The following JAK2 variants were observed in gnomAD, a reference collection of about 807,000 sequenced individuals.
JAK2 encodes Janus kinase 2.
JAK2 carries 86 observed loss-of-function variants against 139.3 expected under a neutral mutation model. The ratio of observed to expected loss-of-function variants is 0.62; its 90% confidence interval spans 0.52 to 0.74. JAK2 has a LOEUF of 0.74. JAK2 is among the 30% of genes least tolerant of loss of function. The pLI, the probability that JAK2 is intolerant of heterozygous loss-of-function variation, is 0.00. For synonymous variants in JAK2, 490 were observed against 437.7 expected (o/e 1.12, Z -1.49); for missense variants, 1,421 against 1,360.3 (o/e 1.04, Z -0.70).
intron 22 of JAK2, among the ~76,000 whole-genome samples, chr9:5,102,061 G>T (rs1416099401): frequency 6.6e-6 from 1 of 152,172 alleles, no homozygotes; most frequent in African/African-American, 2.4e-5. Flanking sequence ...ACAGAAGTAG[G>T]CTTCAGAAGG....
chr9:5,055,716 T>C lies in JAK2; in HGVS notation c.984T>C (p.Ile328=), dbSNP rs1563961883. 1.9e-6 allele frequency: 3 copies of C among 1,599,268 alleles called. No individual in the cohort carries two copies. Residue 328 remains isoleucine, a synonymous_variant, in exon 8 of 25, where the codon ATT becomes ATC. Coordinates refer to ENST00000381652, the MANE Select transcript of JAK2 (RefSeq NM_004972.4). ...CDFPNIIDVS[I]KQANQEGSNE... is the part of the protein sequence containing the mutation. ...TTCCTAATATTATTGATGTCAGTAT[T>C]AAGCAAGCAAACCAAGAGGGTTCAA... is the stretch of plus-strand genomic sequence containing the variant.
At chr9:5,020,253 G>C (rs1263798162) in intron 2 of JAK2, among the ~76,000 whole-genome samples, 1 of 152,194 alleles carries the variant, frequency 6.6e-6, no homozygotes, top group African/African-American at 2.4e-5. Flanking sequence ...GGTAGTGGCA[G>C]GTTGGGTGGG....
At position 5,035,239 on chromosome 9, in the gene JAK2, TAATA is replaced by T. The variant is rs1158273608; in HGVS notation, c.350+5334_350+5337del. 1.4e-4 allele frequency among the ~76,000 whole-genome samples: 22 copies of T among 152,282 alleles called. No individual in the cohort carries two copies. In the East Asian group the frequency reaches 4.1e-3, roughly 28 times the overall value. ...CAGGCTCTGAAATTGAGGCAATAATTAATAGTTTACCAACCAAAAAAAGTCCAGG... is the reference window on the plus strand; with the variant it reads ...CAGGCTCTGAAATTGAGGCAATAATTGTTTACCAACCAAAAAAAGTCCAGG... On this transcript the variant is annotated intron_variant, in intron 4 of 24. Coordinates refer to ENST00000381652, the MANE Select transcript of JAK2 (RefSeq NM_004972.4).
rs377323667 is a variant in JAK2 at position 4,998,971 on chromosome 9, G to A, written c.-26+12949G>A. On this transcript the variant is annotated intron_variant, in intron 2 of 24. Transcript: ENST00000381652. ...GGAGTAGCTGGGACTACAGGTGCCC[G>A]CCACCACGCCCGGCTATTTTTTTTT... 3.5e-4 allele frequency among the ~76,000 whole-genome samples: 53 copies of A among 150,504 alleles called. 2 individuals are homozygous for A. In the East Asian group the frequency reaches 6.4e-3, roughly 18 times the overall value.
chr9:5,112,537 G>A (rs893952194), intron 22 of JAK2: 2 of 598,176 alleles, frequency 3.3e-6, no homozygotes, highest in Non-Finnish European at 3.0e-6. Context: ...GGCCGAGTGG[G>A]AGAAGCAGGT....
At chr9:5,094,068 C>T (rs184768227) in intron 22 of JAK2, 2 of 152,250 alleles carry the variant, frequency 1.3e-5, no homozygotes, top group East Asian at 3.9e-4. Context: ...TAAAACTTTA[C>T]AATCAAAGGT....
chr9:5,064,953 C>G lies in JAK2; in HGVS notation c.1127C>G (p.Thr376Ser), dbSNP rs1818463950. ...TTAATTGATGGATATTATAGATTAA[C>G]TGCAGATGCACATCATTACCTCTGT... ...VSLIDGYYRL[T>S]ADAHHYLCKE... Residue 376 changes from threonine to serine, a missense_variant, in exon 9 of 25, where the codon ACT becomes AGT. By Grantham distance (58) the Thr-to-Ser change is moderately conservative (BLOSUM62 1). Transcript: ENST00000381652. 1 of 1,605,350 alleles carries G rather than the reference C, an allele frequency of 6.2e-7. No individual in the cohort carries two copies. The highest frequency in any genetic ancestry group is 2.2e-5 in the East Asian group (1 of 44,552).
At chr9:5,101,977 AACC>A (rs1410655091) in intron 22 of JAK2, among the ~76,000 whole-genome samples, 1 of 152,208 alleles carries the variant, frequency 6.6e-6, no homozygotes, top group Non-Finnish European at 1.5e-5. Context: ...AAATTCTAAA[AACC>A]AGAGGGCCTC....
Position 5,127,819 on chromosome 9 carries a change from G to A in JAK2, c.*1028G>A. The A allele has an allele frequency of 4.3e-6, 1 of 232,570 alleles. No homozygotes were observed. The highest frequency in any genetic ancestry group is 6.0e-5 in the East Asian group (1 of 16,568). The allele number at this position is 232,570 out of a possible 1,614,324, so 14.4% of individuals were successfully genotyped here. A position where few individuals can be genotyped will look rare whatever the true frequency, so the allele number is the denominator to read the frequency against. On this transcript the variant is annotated 3_prime_UTR_variant, in exon 25 of 25. Transcript: ENST00000381652. ...ATTTTTTCCTAAAGACTGTATATTTGAGGGGTTTCAGAATTTTGCATTGCA... is the reference window on the plus strand; with the variant it reads ...ATTTTTTCCTAAAGACTGTATATTTAAGGGGTTTCAGAATTTTGCATTGCA...
intron 10 of JAK2, among the ~76,000 whole-genome samples, chr9:5,068,036 T>C (rs921418793): frequency 1.2e-4 from 18 of 152,128 alleles, no homozygotes; most frequent in African/African-American, 4.1e-4. Flanking sequence ...GGTGCGCACC[T>C]GTAGTCCCAG....
chr9:5,041,081 A>T, intron 4 of JAK2: 1 of 699,506 alleles, frequency 1.4e-6, no homozygotes. Context: ...TCTACTACCT[A>T]CTACAGCCTG....
Position 5,089,659 on chromosome 9 carries a change from T to A in JAK2, c.2572-15T>A. On this transcript the variant is annotated splice_polypyrimidine_tract_variant and intron_variant, in intron 19 of 24. Transcript: ENST00000381652. ...AAAACTTGGTATTTCCATCCTAATG[T>A]GATGTGTCATTTAGGGTAATTTTGG... is the stretch of plus-strand genomic sequence containing the variant. The A allele has an allele frequency of 1.5e-6, 2 of 1,300,476 alleles. No individual in the cohort carries two copies. Among genetic ancestry groups the A allele is most frequent in the Non-Finnish European group, 2.0e-6 (2 of 1,004,020 alleles). The allele number at this position is 1,300,476 out of a possible 1,614,324, so 80.6% of individuals were successfully genotyped here. A position where few individuals can be genotyped will look rare whatever the true frequency, so the allele number is the denominator to read the frequency against.
At chr9:5,009,827 G>A (rs1353574418) in intron 2 of JAK2, among the ~76,000 whole-genome samples, 1 of 151,754 alleles carries the variant, frequency 6.6e-6, no homozygotes, top group East Asian at 1.9e-4. Context: ...CTGGAGTGAA[G>A]TGGTGCCAAC....
intron 3 of JAK2, among the ~76,000 whole-genome samples, chr9:5,029,544 C>G (rs1474413539): frequency 6.6e-6 from 1 of 151,796 alleles, no homozygotes; most frequent in Non-Finnish European, 1.5e-5. Context: ...GAAAAAAACC[C>G]CACAATATCT....
At chr9:5,015,625 C>G (rs1455675112) in intron 2 of JAK2, among the ~76,000 whole-genome samples, 1 of 151,754 alleles carries the variant, frequency 6.6e-6, no homozygotes, top group Admixed American at 6.6e-5. Flanking sequence ...ACTGCGGCCT[C>G]GGTCTCCTGG....
At chr9:5,079,165 G>A (rs1819507223) in intron 16 of JAK2, among the ~76,000 whole-genome samples, 2 of 152,148 alleles carry the variant, frequency 1.3e-5, no homozygotes, top group Non-Finnish European at 2.9e-5. Flanking sequence ...AGGGAGTATG[G>A]CAGAAAATTC....
At chr9:5,035,491 A>C (rs2130220376) in intron 4 of JAK2, among the ~76,000 whole-genome samples, 1 of 152,342 alleles carries the variant, frequency 6.6e-6, no homozygotes, top group African/African-American at 2.4e-5. Flanking sequence ...TCAACAAAAT[A>C]CTGGCAAACC....
upstream of JAK2, chr9:4,984,545 G>C (rs1039950217): frequency 6.6e-6 from 1 of 152,410 alleles, no homozygotes; most frequent in Non-Finnish European, 1.5e-5. Context: ...TCAGGCTCTC[G>C]AGGGCGCATT....
At chr9:5,057,726 T>C (rs1175724084) in intron 8 of JAK2, among the ~76,000 whole-genome samples, 4 of 151,618 alleles carry the variant, frequency 2.6e-5, no homozygotes, top group Non-Finnish European at 5.9e-5. Context: ...GGATTACAGG[T>C]GCACGCCACC....
Sources: allele counts gnomAD v4.1 joint callset (sites outside exome capture counted in the v4.1 genomes callset), GRCh38; gene constraint gnomAD v4.1.1; transcripts MANE v1.5; gene names NCBI Gene and HGNC (gene_info 2026-07-23, HGNC 2026-07-21).